ERC1: variants seen among roughly 807,000 people sequenced by gnomAD.
The protein encoded by ERC1 is ELKS/RAB6-interacting/CAST family member 1.
ERC1 carries 56 observed loss-of-function variants against 132.0 expected under a neutral mutation model. That is an observed-to-expected ratio of 0.42 (90% CI 0.34 to 0.53). ERC1 has a LOEUF of 0.53. Among genes scored for constraint, ERC1 ranks in the 20% least tolerant of loss-of-function variants. The probability of loss-of-function intolerance (pLI) is 0.03; values close to 1 mark genes in which losing one functional copy is unlikely to be tolerated. For synonymous variants in ERC1, 478 were observed against 476.1 expected (o/e 1.00, Z -0.05); for missense variants, 1,202 against 1,349.9 (o/e 0.89, Z 1.72).
At chr12:1,152,040 A>G (rs1008853474) in intron 8 of ERC1, 1 of 152,170 alleles carries the variant, frequency 6.6e-6, no homozygotes, top group Non-Finnish European at 1.5e-5. Context: ...CTCTACTGAA[A>G]ATACAAAAAA....
At chr12:1,005,094 A>C (rs1314682631) in intron 1 of ERC1, among the ~76,000 whole-genome samples, 1 of 152,186 alleles carries the variant, frequency 6.6e-6, no homozygotes, top group Non-Finnish European at 1.5e-5. Flanking sequence ...AAAGGCAAGT[A>C]ATTTTGAGTA....
intron 11 of ERC1, among the ~76,000 whole-genome samples, chr12:1,187,636 T>C (rs912207321): frequency 2.6e-5 from 4 of 152,174 alleles, no homozygotes; most frequent in African/African-American, 9.7e-5. Context: ...CTGATTAATT[T>C]CTCTTCTTCC....
intron 3 of ERC1, among the ~76,000 whole-genome samples, chr12:1,095,724 G>A (rs538898461): frequency 5.9e-5 from 9 of 152,184 alleles, no homozygotes; most frequent in South Asian, 2.1e-4. Flanking sequence ...TTGACAATGC[G>A]GGAGGCATAG....
At chr12:1,245,200 C>T (rs1257353969) in intron 13 of ERC1, among the ~76,000 whole-genome samples, 1 of 152,198 alleles carries the variant, frequency 6.6e-6, no homozygotes, top group Admixed American at 6.5e-5. Flanking sequence ...GTATTGTTGG[C>T]ATCCCAGAAA....
chr12:1,075,953 G>A (rs1206495240), intron 2 of ERC1, among the ~76,000 whole-genome samples: 2 of 152,088 alleles, frequency 1.3e-5, no homozygotes. Context: ...TGGTACAAGG[G>A]TCAACTGTAC....
chr12:1,093,955 T>TTTTATATATATATA (rs1469024496), intron 3 of ERC1, among the ~76,000 whole-genome samples: 1 of 16,140 alleles, frequency 6.2e-5, no homozygotes, highest in Non-Finnish European at 1.8e-4. Context: ...ATATATATTT[T>TTTTATATATATATA]TCTATATATA....
chr12:1,463,950 G>A (rs181482890), intron 18 of ERC1, among the ~76,000 whole-genome samples: 3 of 152,100 alleles, frequency 2.0e-5, no homozygotes, highest in African/African-American at 7.2e-5. Context: ...ACATACCAAA[G>A]GTCCGGGGGA....
At chr12:1,470,373 A>G (rs1270303549) in intron 18 of ERC1, among the ~76,000 whole-genome samples, 1 of 151,954 alleles carries the variant, frequency 6.6e-6, no homozygotes, top group Non-Finnish European at 1.5e-5. Flanking sequence ...CTTAACTGCA[A>G]CAAAGCCTTG....
chr12:1,050,747 G>T (rs776569390), intron 2 of ERC1, among the ~76,000 whole-genome samples: 1 of 151,998 alleles, frequency 6.6e-6, no homozygotes, highest in Non-Finnish European at 1.5e-5. Context: ...TAAGAAAAAG[G>T]TCAGGCCGAG....
At chr12:1,061,006 C>G (rs568846706) in intron 2 of ERC1, among the ~76,000 whole-genome samples, 1 of 151,948 alleles carries the variant, frequency 6.6e-6, no homozygotes, top group Non-Finnish European at 1.5e-5. Flanking sequence ...GGATTACAGG[C>G]GTGAGCCACC....
intron 11 of ERC1, among the ~76,000 whole-genome samples, chr12:1,185,511 C>CT (rs62660960): frequency 6.6e-6 from 1 of 150,650 alleles, no homozygotes; most frequent in Non-Finnish European, 1.5e-5. Flanking sequence ...ACTTTTCTTT[C>CT]TTTCTTTTCT....
intron 2 of ERC1, among the ~76,000 whole-genome samples, chr12:1,055,042 AC>A (rs1202999756): frequency 6.6e-6 from 1 of 152,012 alleles, no homozygotes; most frequent in Non-Finnish European, 1.5e-5. Context: ...GTGACAGGAG[AC>A]CCCTACCTAA....
chr12:1,210,419 G>A (rs969412153), intron 12 of ERC1, among the ~76,000 whole-genome samples: 2 of 152,160 alleles, frequency 1.3e-5, no homozygotes, highest in African/African-American at 4.8e-5. Flanking sequence ...CTTTGTTGGT[G>A]AAGTTGTATT....
chr12:1,208,211 G>A (rs1957519137), intron 12 of ERC1, among the ~76,000 whole-genome samples: 1 of 152,142 alleles, frequency 6.6e-6, no homozygotes, highest in Admixed American at 6.5e-5. Context: ...CTCATTTCAA[G>A]TTTACTTCAC....
intron 8 of ERC1, among the ~76,000 whole-genome samples, chr12:1,153,879 T>C (rs1421676882): frequency 2.0e-5 from 3 of 152,182 alleles, no homozygotes; most frequent in Admixed American, 6.5e-5. Context: ...ACTCCATTTC[T>C]TTTTTTGTTA....
At chr12:1,233,563 AATT>A (rs1396455310) in intron 12 of ERC1, among the ~76,000 whole-genome samples, 1 of 151,968 alleles carries the variant, frequency 6.6e-6, no homozygotes, top group African/African-American at 2.4e-5. Flanking sequence ...CAACACCATT[AATT>A]ATTATTTTTA....
intron 13 of ERC1, among the ~76,000 whole-genome samples, chr12:1,243,543 G>C (rs374417628): frequency 2.5e-4 from 38 of 152,322 alleles, no homozygotes; most frequent in African/African-American, 9.1e-4. Context: ...GTAAAAGGAG[G>C]CACTCACTTC....
rs775562831 is a variant in ERC1 at position 1,418,635 on chromosome 12, CTTTCTT to C, written c.3024+10390_3024+10395del. The stretch of plus-strand genomic sequence containing the variant: ...TCTTTCTTTCTTTCTTTCTTTCTTT[CTTTCTT>C]TCTCTCTCTCTCTCTCTCTCTTTCT... On this transcript the variant is annotated intron_variant, in intron 17 of 18. Coordinates refer to ENST00000360905, the MANE Select transcript of ERC1 (RefSeq NM_178040.4). Among the ~76,000 whole-genome samples the C allele has an allele frequency of 9.6e-3, 964 of 100,200 alleles. 23 individuals are homozygous for C. Among genetic ancestry groups the C allele is most frequent in the African/African-American group, 0.036 (642 of 17,892 alleles). 65.7% of individuals were successfully genotyped at this position (100,200 alleles called of 152,430 possible).
intron 15 of ERC1, among the ~76,000 whole-genome samples, chr12:1,339,312 C>T (rs1392757842): frequency 3.5e-5 from 5 of 141,594 alleles, no homozygotes; most frequent in African/African-American, 1.3e-4. Context: ...AGAGGCAGCT[C>T]AGCTGGACGA....
Sources: gnomAD v4.1 joint callset for allele counts (sites outside exome capture counted in the v4.1 genomes callset) on GRCh38, gnomAD v4.1.1 for gene constraint, MANE v1.5 for transcripts, NCBI Gene and HGNC (gene_info 2026-07-23, HGNC 2026-07-21) for gene names.